The following ASH1L variants were observed in gnomAD, a reference collection of about 807,000 sequenced individuals.
ASH1L encodes histone-lysine N-methyltransferase ASH1L.
A neutral mutation model predicts 269.0 loss-of-function variants in ASH1L; 23 were observed. The ratio of observed to expected loss-of-function variants is 0.09; its 90% CI spans 0.06 to 0.12. ASH1L has a LOEUF of 0.12. Ranked by LOEUF, ASH1L falls within the 10% of genes least tolerant of loss-of-function variation. The probability of loss-of-function intolerance (pLI) is 1.00; values close to 1 mark genes in which losing one functional copy is unlikely to be tolerated. For synonymous variants in ASH1L, 1,187 were observed against 1,253.5 expected, an observed-to-expected ratio of 0.95 and a Z score of 1.12; for missense variants, 2,912 against 3,567.8, an observed-to-expected ratio of 0.82 and a Z score of 4.68.
chr1:155,421,339 T>TC (rs1660664229), intron 5 of ASH1L, among the ~76,000 whole-genome samples: 1 of 146,568 alleles, frequency 6.8e-6, no homozygotes, highest in Non-Finnish European at 1.5e-5. Context: ...TTTTTTTTTT[T>TC]TGAGAAAATG....
At chr1:155,416,831 C>G (rs2148545435) in intron 5 of ASH1L, among the ~76,000 whole-genome samples, 1 of 151,692 alleles carries the variant, frequency 6.6e-6, no homozygotes, top group East Asian at 2.0e-4. Context: ...TGTGCCCAGC[C>G]CCACCTTGCC....
chr1:155,495,024 G>A (rs1667055891), intron 2 of ASH1L, among the ~76,000 whole-genome samples: 2 of 152,206 alleles, frequency 1.3e-5, no homozygotes, highest in South Asian at 4.1e-4. Context: ...CTGCTGACAA[G>A]TCAAGTAGAA....
intron 12 of ASH1L, among the ~76,000 whole-genome samples, chr1:155,366,907 C>T (rs1655477867): frequency 6.6e-6 from 1 of 151,706 alleles, no homozygotes; most frequent in South Asian, 2.1e-4. Context: ...AACTCCTGAC[C>T]TCAGGCAATC....
chr1:155,429,593 G>C (rs1013804328), intron 5 of ASH1L, among the ~76,000 whole-genome samples: 3 of 152,128 alleles, frequency 2.0e-5, no homozygotes, highest in Non-Finnish European at 1.5e-5. Flanking sequence ...AATTCAGGAA[G>C]AATAAGCTGT....
chr1:155,439,649 A>AGG (rs1466364792), intron 4 of ASH1L, among the ~76,000 whole-genome samples: 4 of 152,090 alleles, frequency 2.6e-5, no homozygotes, highest in African/African-American at 9.7e-5. Flanking sequence ...GCAGTGAGTC[A>AGG]CTGCACTCTA....
intron 1 of ASH1L, among the ~76,000 whole-genome samples, chr1:155,558,707 C>CT (rs2148928301): frequency 6.6e-6 from 1 of 152,134 alleles, no homozygotes; most frequent in Admixed American, 6.6e-5. Flanking sequence ...AATTTTTTAA[C>CT]TTTCTGTAGA....
intron 1 of ASH1L, among the ~76,000 whole-genome samples, chr1:155,537,741 AT>A (rs879413851): frequency 1.5e-4 from 22 of 148,286 alleles, no homozygotes; most frequent in African/African-American, 3.0e-4. Context: ...TGACAGCATG[AT>A]TTTTTTTTTT....
chr1:155,539,136 T>A (rs1044180454), intron 1 of ASH1L, among the ~76,000 whole-genome samples: 1 of 152,124 alleles, frequency 6.6e-6, no homozygotes, highest in Non-Finnish European at 1.5e-5. Context: ...GGTATCTTTT[T>A]AATTTTTTAA....
intron 2 of ASH1L, among the ~76,000 whole-genome samples, chr1:155,509,886 T>A (rs1451871422): frequency 6.6e-6 from 1 of 152,022 alleles, no homozygotes; most frequent in Non-Finnish European, 1.5e-5. Context: ...TCATAAACCA[T>A]AACAAACTCC....
chr1:155,481,575 G>A lies in ASH1L; in HGVS notation c.1295C>T (p.Thr432Ile), dbSNP rs1438329330. The A allele has an allele frequency of 2.5e-6, 4 of 1,614,086 alleles. No homozygotes were observed. In the African/African-American group the frequency reaches 5.3e-5, roughly 22 times the overall value. The change falls in exon 3 of 28, where the codon ACT becomes ATT. Residue 432 changes from threonine (T) to isoleucine (I), a missense_variant. Physicochemically the swap from Thr to Ile is moderately conservative, Grantham distance 89 (BLOSUM62 -1). Transcript: ENST00000392403. ...INLKAEALLP[T>I]QEPLKASCST... is the part of the protein sequence containing the mutation. ...ACAAGAAGCCTTAAGCGGTTCCTGA[G>A]TGGGGAGCAGTGCTTCGGCTTTAAG...
intron 1 of ASH1L, among the ~76,000 whole-genome samples, chr1:155,527,010 C>T (rs1275616722): frequency 6.6e-6 from 1 of 152,178 alleles, no homozygotes; most frequent in Non-Finnish European, 1.5e-5. Context: ...TACTCAAGAC[C>T]AGCTTGGCCA....
intron 1 of ASH1L, among the ~76,000 whole-genome samples, chr1:155,553,009 T>C (rs1671321391): frequency 6.6e-6 from 1 of 152,184 alleles, no homozygotes; most frequent in African/African-American, 2.4e-5. Flanking sequence ...TATATCACCA[T>C]ATTTTACAGT....
intron 7 of ASH1L, among the ~76,000 whole-genome samples, chr1:155,388,931 A>C (rs1657672048): frequency 6.8e-6 from 1 of 148,058 alleles, no homozygotes; most frequent in Non-Finnish European, 1.5e-5. Flanking sequence ...TTGGTCTCAA[A>C]CTCCTGGCCT....
intron 20 of ASH1L, among the ~76,000 whole-genome samples, chr1:155,347,030 G>A (rs1289357938): frequency 6.6e-6 from 1 of 152,162 alleles, no homozygotes; most frequent in Non-Finnish European, 1.5e-5. Flanking sequence ...GATTCAAAAG[G>A]CAAAGCACTA....
chr1:155,554,423 C>G, intron 1 of ASH1L, among the ~76,000 whole-genome samples: 1 of 152,048 alleles, frequency 6.6e-6, no homozygotes, highest in East Asian at 1.9e-4. Flanking sequence ...AAGGCGTGTG[C>G]CCCCACACAG....
intron 1 of ASH1L, among the ~76,000 whole-genome samples, chr1:155,529,252 C>A (rs1215541605): frequency 6.6e-6 from 1 of 151,936 alleles, no homozygotes; most frequent in Non-Finnish European, 1.5e-5. Flanking sequence ...GTTTTTAGGT[C>A]TTTGAGGGAT....
chr1:155,489,764 A>G (rs1345524665), intron 2 of ASH1L, among the ~76,000 whole-genome samples: 2 of 149,642 alleles, frequency 1.3e-5, no homozygotes, highest in African/African-American at 4.9e-5. Flanking sequence ...TCTCAAAAAA[A>G]ATAAATAAAT....
intron 3 of ASH1L, among the ~76,000 whole-genome samples, chr1:155,460,425 T>C (rs575664256): frequency 1.5e-4 from 23 of 152,240 alleles, no homozygotes; most frequent in Admixed American, 1.3e-3. Context: ...CTGGCCAACA[T>C]GGTGAAACCC....
chr1:155,474,562 T>C (rs1256254829), intron 3 of ASH1L, among the ~76,000 whole-genome samples: 62 of 152,110 alleles, frequency 4.1e-4, no homozygotes, highest in Admixed American at 4.1e-3. Context: ...TAGCCTGGCA[T>C]TGGTGGCTTG....
Sources: allele counts gnomAD v4.1 joint callset (sites outside exome capture counted in the v4.1 genomes callset), GRCh38; gene constraint gnomAD v4.1.1; transcripts MANE v1.5; gene names NCBI Gene and HGNC (gene_info 2026-07-23, HGNC 2026-07-21).